RAB44: variants seen among roughly 807,000 people sequenced by gnomAD.
RAB44 encodes RAB44, member RAS oncogene family.
Under a neutral mutation model 93.3 loss-of-function variants are expected in RAB44, and 67 were observed. The ratio of observed to expected loss-of-function variants is 0.72; its 90% CI spans 0.59 to 0.88. The LOEUF is 0.88. Among genes scored for constraint, RAB44 ranks in the 40% least tolerant of loss-of-function variants. RAB44 has a pLI of 0.00. For synonymous variants in RAB44, 427 were observed against 520.3 expected (o/e 0.82, Z 2.44); for missense variants, 1,064 against 1,261.7 (o/e 0.84, Z 2.37).
At chr6:36,707,347 G>A (rs1442539858) in intron 2 of RAB44, among the ~76,000 whole-genome samples, 3 of 151,180 alleles carry the variant, frequency 2.0e-5, no homozygotes, top group African/African-American at 4.9e-5. Context: ...ACAGCAGAGT[G>A]AGGCTCTGTC....
At chr6:36,720,836 C>T (rs1386275460) in intron 8 of RAB44, among the ~76,000 whole-genome samples, 16 of 152,210 alleles carry the variant, frequency 1.1e-4, no homozygotes. Flanking sequence ...CACACACACA[C>T]ATGTCCTAGT....
At chr6:36,698,360 CGGA>C (rs1762433233) in intron 1 of RAB44, among the ~76,000 whole-genome samples, 1 of 152,174 alleles carries the variant, frequency 6.6e-6, no homozygotes, top group Non-Finnish European at 1.5e-5. Context: ...GATGGATACC[CGGA>C]GGCCCCAGGC....
At chr6:36,716,811 A>G (rs1173594711) in intron 4 of RAB44, among the ~76,000 whole-genome samples, 1 of 152,186 alleles carries the variant, frequency 6.6e-6, no homozygotes, top group Non-Finnish European at 1.5e-5. Flanking sequence ...AGCAGCCTTT[A>G]TTGGGCACCA....
Position 36,725,932 on chromosome 6 carries a change from T to A in RAB44, c.2670T>A (p.Ala890=), listed in dbSNP as rs1582643796. The change falls in exon 10 of 14, where the codon GCT becomes GCA. Residue 890 remains alanine, a synonymous_variant. Coordinates refer to ENST00000612677, the MANE Select transcript of RAB44 (RefSeq NM_001257357.2). The part of the protein sequence containing the change: ...KCFVLQLWDT[A]GQERYHSMTR... Reference sequence around the variant, plus strand: ...TTGTGCTGCAGCTCTGGGACACAGCTGGCCAAGAGAGGTAACAGGCACTGT... The same window carrying A: ...TTGTGCTGCAGCTCTGGGACACAGCAGGCCAAGAGAGGTAACAGGCACTGT... The A allele has an allele frequency of 2.6e-6, 4 of 1,550,554 alleles. No homozygotes were observed. In the African/African-American group the frequency reaches 5.5e-5, roughly 21 times the overall value.
In RAB44 at chr6:36,732,052, GC is replaced by G. The variant is rs1763375430; in HGVS notation, c.3030del (p.Lys1011ArgfsTer19). 2.4e-6 allele frequency: 3 copies of G among 1,234,406 alleles called. No individual in the cohort carries two copies. The highest frequency in any genetic ancestry group is 3.0e-6 in the Non-Finnish European group (3 of 988,214). 76.5% of individuals were successfully genotyped at this position (1,234,406 alleles called of 1,614,324 possible). ...CCTGAAGGACTCGCTGGTGAAGGTGGCCCCCAAGAGGCCGCCCAAGAGATTC... is the reference window on the plus strand; with the variant it reads ...CCTGAAGGACTCGCTGGTGAAGGTGGCCCCAAGAGGCCGCCCAAGAGATTC... ...EGLKDSLVKV[A>X]PKRPPKRFGC... is the part of the protein sequence containing the mutation. On this transcript the variant is annotated frameshift_variant, in exon 14 of 14. Coordinates refer to ENST00000612677, the MANE Select transcript of RAB44 (RefSeq NM_001257357.2). LOFTEE classifies it high-confidence loss of function.
chr6:36,719,680 G>A (rs1402339719), intron 7 of RAB44, among the ~76,000 whole-genome samples: 2 of 152,244 alleles, frequency 1.3e-5, no homozygotes, highest in Non-Finnish European at 2.9e-5. Context: ...TGAGAAGGGA[G>A]TCAAGGAAGG....
intron 1 of RAB44, among the ~76,000 whole-genome samples, chr6:36,702,894 G>A (rs901839547): frequency 6.6e-6 from 1 of 152,156 alleles, no homozygotes; most frequent in African/African-American, 2.4e-5. Flanking sequence ...AATGAACAAT[G>A]AATTTGACAC....
chr6:36,718,396 G>A, intron 6 of RAB44, 97 bp from the exon 7 acceptor site: 1 of 594,956 alleles, frequency 1.7e-6, no homozygotes, highest in Non-Finnish European at 2.5e-6. Flanking sequence ...CCTGGCCCAG[G>A]CACCCCAGGT....
chr6:36,715,673 T>C lies in RAB44; in HGVS notation c.494+20T>C. 6.5e-7 allele frequency: 1 copy of C among 1,533,860 alleles called. No homozygotes were observed. The highest frequency in any genetic ancestry group is 8.7e-7 in the Non-Finnish European group (1 of 1,145,316). ...TCCCAAGTAAGGCCAGGGCGGCATG[T>C]GCATGGGGAGAGGCTCTGCCAGCCA... is the stretch of plus-strand genomic sequence containing the variant. On this transcript the variant is annotated intron_variant, in intron 4 of 13. Transcript: ENST00000612677.
Position 36,716,370 on chromosome 6 carries a change from T to C in RAB44, c.494+717T>C, listed in dbSNP as rs555148666. Among the ~76,000 whole-genome samples the C allele has an allele frequency of 1.6e-4, 24 of 150,618 alleles. No individual in the cohort carries two copies. The South Asian group carries it at 4.8e-3, about 30-fold the overall frequency. ...CTGTAATCCCAGCTACTCAGGAGGC[T>C]GAGGCAGGAGAATTGCTTGAACCTG... On this transcript the variant is annotated intron_variant, in intron 4 of 13. Coordinates refer to ENST00000612677, the MANE Select transcript of RAB44 (RefSeq NM_001257357.2).
chr6:36,725,833 T>C (rs1352996945), intron 9 of RAB44, 29 bp from the exon 10 acceptor site: 1 of 1,507,160 alleles, frequency 6.6e-7, no homozygotes, highest in Non-Finnish European at 9.0e-7. Context: ...GGTAACTTAG[T>C]AGGCTTCACC....
chr6:36,715,404 A>G (rs533956683), intron 3 of RAB44, 75 bp from the exon 4 acceptor site: 898 of 1,383,896 alleles, frequency 6.5e-4, no homozygotes, highest in Non-Finnish European at 8.4e-4. Context: ...TGAGGGCTGG[A>G]CCAGGGCTGG....
chr6:36,726,196 CCTT>C (rs1364860677), intron 10 of RAB44, among the ~76,000 whole-genome samples: 5 of 152,180 alleles, frequency 3.3e-5, no homozygotes, highest in Non-Finnish European at 7.4e-5. Flanking sequence ...AATCACCTGT[CCTT>C]CTAAAAATGC....
rs1315267233 is a variant in RAB44, at chr6:36,731,805, G to A, written c.2976-198G>A. On this transcript the variant is annotated intron_variant, in intron 13 of 13. Coordinates refer to ENST00000612677, the MANE Select transcript of RAB44 (RefSeq NM_001257357.2). This position sits in a 1 kb window ranked among gnomAD's most constrained non-coding sequence, Gnocchi z 4.0. ...ATAGTCAGAGTCCTGCACAGTGCCT[G>A]GCACATAGTAGGCCAGAAAGAGAAG... Among the ~76,000 whole-genome samples, 3 of 152,192 alleles carry A rather than the reference G, an allele frequency of 2.0e-5. No individual in the cohort carries two copies. The highest frequency in any genetic ancestry group is 6.5e-5 in the Admixed American group (1 of 15,282).
At chr6:36,704,058 G>A (rs946201350) in intron 1 of RAB44, among the ~76,000 whole-genome samples, 166 bp from the exon 2 acceptor site, 3 of 152,200 alleles carry the variant, frequency 2.0e-5, no homozygotes, top group Admixed American at 1.3e-4. Context: ...AGGCCATGAG[G>A]CGGCTGGGCG....
At position 36,704,291 on chromosome 6, in the gene RAB44, G is replaced by A. The variant is rs763179615; in HGVS notation, c.56G>A (p.Arg19Gln). Residue 19 changes from arginine to glutamine, a missense_variant, in exon 2 of 14, where the codon CGG becomes CAG. Physicochemically the swap from Arg to Gln is conservative, Grantham distance 43 (BLOSUM62 1). Coordinates refer to ENST00000612677, the MANE Select transcript of RAB44 (RefSeq NM_001257357.2). ...RKVRKLGSNR[R>Q]RQTREPADGE... ...GTCCGGAAGCTGGGCTCCAACCGGCGGCGGCAGACAAGAGAGCCAGCTGAT... is the reference window on the plus strand; with the variant it reads ...GTCCGGAAGCTGGGCTCCAACCGGCAGCGGCAGACAAGAGAGCCAGCTGAT... 3.3e-5 allele frequency: 51 copies of A among 1,536,062 alleles called. No homozygotes were observed. Among genetic ancestry groups the A allele is most frequent in the Non-Finnish European group, 4.1e-5 (47 of 1,146,930 alleles).
intron 1 of RAB44, among the ~76,000 whole-genome samples, chr6:36,703,136 T>C (rs1417792553): frequency 1.3e-5 from 2 of 152,214 alleles, no homozygotes; most frequent in African/African-American, 4.8e-5. Flanking sequence ...CTTCTTGTGG[T>C]GTCTTCCCAT....
intron 11 of RAB44, 101 bp from the exon 12 acceptor site, chr6:36,728,598 AG>A: frequency 1.2e-6 from 1 of 849,354 alleles, no homozygotes; most frequent in Non-Finnish European, 1.9e-6. Context: ...GTGGCCTGGG[AG>A]GGGGAACATG....
Position 36,721,352 on chromosome 6 carries a change from G to A in RAB44, c.1218G>A (p.Val406=), listed in dbSNP as rs1207810222. Residue 406 remains valine, a synonymous_variant, in exon 9 of 14, where the codon GTG becomes GTA. Transcript: ENST00000612677. ...RATSGPQTPR[V]VRQISISEPQ... ...CCTCAGGCCCCCAGACACCCCGTGT[G>A]GTCAGGCAGATCTCCATCTCGGAGC... is the stretch of plus-strand genomic sequence containing the variant. 5 of 1,233,980 alleles carry A rather than the reference G, an allele frequency of 4.1e-6. No homozygotes were observed. In the African/African-American group the frequency reaches 4.7e-5, roughly 12 times the overall value. The allele number at this position is 1,233,980 out of a possible 1,614,324, so 76.4% of individuals were successfully genotyped here.
Sources: allele counts gnomAD v4.1 joint callset (sites outside exome capture counted in the v4.1 genomes callset), GRCh38; gene constraint gnomAD v4.1.1; non-coding constraint Gnocchi (gnomAD v3.1); transcripts MANE v1.5; gene names NCBI Gene and HGNC (gene_info 2026-07-23, HGNC 2026-07-21).